CNTNAP2: variants seen among roughly 807,000 people sequenced by gnomAD.
The protein encoded by CNTNAP2 is contactin associated protein 2.
In CNTNAP2, 98 loss-of-function variants were observed where a neutral mutation model predicts 155.2. That is an observed-to-expected ratio of 0.63 (90% CI 0.54 to 0.75). The LOEUF is 0.75. CNTNAP2 is among the 30% of genes least tolerant of loss of function. The pLI is 0.00. For synonymous variants in CNTNAP2, 651 were observed against 631.2 expected (o/e 1.03, Z -0.47); for missense variants, 1,727 against 1,688.1 (o/e 1.02, Z -0.40).
At chr7:147,175,903 CT>C (rs1802328916) in intron 8 of CNTNAP2, among the ~76,000 whole-genome samples, 1 of 152,202 alleles carries the variant, frequency 6.6e-6, no homozygotes, top group African/African-American at 2.4e-5. Context: ...CTTCCCCCCT[CT>C]TTTCACCAAG....
intron 2 of CNTNAP2, among the ~76,000 whole-genome samples, chr7:146,828,086 T>C (rs569725579): frequency 6.6e-6 from 1 of 152,192 alleles, no homozygotes; most frequent in South Asian, 2.1e-4. Context: ...AAAAATTGCT[T>C]ATAAAATATT....
chr7:147,208,867 A>G (rs1233691825), intron 8 of CNTNAP2, among the ~76,000 whole-genome samples: 2 of 152,144 alleles, frequency 1.3e-5, no homozygotes, highest in East Asian at 1.9e-4. Context: ...TAAAGAAAAT[A>G]ATAAACTTTA....
chr7:146,905,403 A>G (rs2129214821), intron 3 of CNTNAP2, among the ~76,000 whole-genome samples: 1 of 152,224 alleles, frequency 6.6e-6, no homozygotes, highest in African/African-American at 2.4e-5. Context: ...TTTCCTTGAT[A>G]CAGAATTCTT....
intron 1 of CNTNAP2, among the ~76,000 whole-genome samples, chr7:146,765,212 T>C (rs185257709): frequency 6.6e-6 from 1 of 152,198 alleles, no homozygotes; most frequent in Non-Finnish European, 1.5e-5. Flanking sequence ...CCTAAAGTCA[T>C]GTACTGTACT....
chr7:146,904,079 A>G (rs1253218550), intron 3 of CNTNAP2, among the ~76,000 whole-genome samples: 2 of 152,182 alleles, frequency 1.3e-5, no homozygotes, highest in African/African-American at 4.8e-5. Flanking sequence ...ATTGCTTTCC[A>G]TGTTACTTAT....
intron 19 of CNTNAP2, among the ~76,000 whole-genome samples, chr7:148,226,539 G>T (rs758774183): frequency 2.0e-5 from 3 of 152,204 alleles, no homozygotes; most frequent in East Asian, 1.9e-4. Context: ...CAGATCTCAG[G>T]AGTTGGGCAA....
At chr7:148,129,632 A>G (rs968710399) in intron 16 of CNTNAP2, among the ~76,000 whole-genome samples, 1 of 152,256 alleles carries the variant, frequency 6.6e-6, no homozygotes, top group East Asian at 1.9e-4. Context: ...TTAATAAATC[A>G]CTCAATTTTT....
intron 11 of CNTNAP2, among the ~76,000 whole-genome samples, chr7:147,546,600 G>A (rs774428917): frequency 3.9e-5 from 6 of 152,134 alleles, no homozygotes; most frequent in Non-Finnish European, 5.9e-5. Flanking sequence ...CTTAGCCTAG[G>A]ACAAATGCTT....
chr7:148,222,702 A>G (rs1795775425), intron 19 of CNTNAP2, among the ~76,000 whole-genome samples: 1 of 152,196 alleles, frequency 6.6e-6, no homozygotes, highest in Non-Finnish European at 1.5e-5. Flanking sequence ...ACACCATAGC[A>G]TAGGGATATT....
intron 15 of CNTNAP2, among the ~76,000 whole-genome samples, chr7:148,106,094 G>A (rs756656677): frequency 1.3e-5 from 2 of 152,158 alleles, no homozygotes; most frequent in African/African-American, 4.8e-5. Flanking sequence ...GGGATTGACT[G>A]GATGCTAAGG....
At chr7:148,324,821 G>A (rs1022611024) in intron 21 of CNTNAP2, among the ~76,000 whole-genome samples, 5 of 145,306 alleles carry the variant, frequency 3.4e-5, no homozygotes, top group African/African-American at 7.7e-5. Flanking sequence ...TAGGGATTTG[G>A]GTCTGTTTTG....
intron 8 of CNTNAP2, among the ~76,000 whole-genome samples, chr7:147,297,610 G>T (rs1794855650): frequency 6.6e-6 from 1 of 152,102 alleles, no homozygotes; most frequent in Non-Finnish European, 1.5e-5. Flanking sequence ...CATTCCAGAT[G>T]GTTCACATGA....
intron 15 of CNTNAP2, among the ~76,000 whole-genome samples, chr7:147,982,019 T>C (rs750530412): frequency 5.3e-5 from 8 of 152,192 alleles, no homozygotes; most frequent in Non-Finnish European, 1.0e-4. Flanking sequence ...AAATCAATGA[T>C]CAGGTAGACA....
intron 3 of CNTNAP2, among the ~76,000 whole-genome samples, chr7:146,881,261 T>C (rs1330764171): frequency 6.6e-6 from 1 of 152,108 alleles, no homozygotes; most frequent in Non-Finnish European, 1.5e-5. Flanking sequence ...CTGAATAATC[T>C]CAAATATGTA....
intron 2 of CNTNAP2, among the ~76,000 whole-genome samples, chr7:146,784,749 T>G (rs1433303161): frequency 6.6e-6 from 1 of 152,154 alleles, no homozygotes; most frequent in African/African-American, 2.4e-5. Flanking sequence ...TCATAATTCC[T>G]TGGTCTTGAT....
At chr7:146,566,325 G>A (rs1798356303) in intron 1 of CNTNAP2, among the ~76,000 whole-genome samples, 1 of 152,112 alleles carries the variant, frequency 6.6e-6, no homozygotes, top group Non-Finnish European at 1.5e-5. Flanking sequence ...CAAGTGGCTA[G>A]GTATTTTGTT....
intron 3 of CNTNAP2, among the ~76,000 whole-genome samples, chr7:146,980,192 G>T (rs1391118176): frequency 6.6e-6 from 1 of 152,082 alleles, no homozygotes; most frequent in African/African-American, 2.4e-5. Flanking sequence ...ATAGGGGGAT[G>T]TGGTAATGTT....
At chr7:148,040,829 G>A (rs1266893985) in intron 15 of CNTNAP2, among the ~76,000 whole-genome samples, 1 of 145,282 alleles carries the variant, frequency 6.9e-6, no homozygotes, top group African/African-American at 2.5e-5. Flanking sequence ...GTAGGAAATG[G>A]AAAGAGAGCA....
At chr7:147,137,007 G>A (rs1403671295) in intron 8 of CNTNAP2, among the ~76,000 whole-genome samples, 1 of 151,736 alleles carries the variant, frequency 6.6e-6, no homozygotes, top group Non-Finnish European at 1.5e-5. Flanking sequence ...TCTAATTCAA[G>A]TTTAAACCAT....
Sources: gnomAD v4.1 joint callset for allele counts (sites outside exome capture counted in the v4.1 genomes callset) on GRCh38, gnomAD v4.1.1 for gene constraint, MANE v1.5 for transcripts, NCBI Gene and HGNC (gene_info 2026-07-23, HGNC 2026-07-21) for gene names.